Variants in SMS observed in about 807,000 individuals in gnomAD.
SMS encodes the protein spermidine aminopropyltransferase.
In SMS, 3 loss-of-function variants were observed where a neutral mutation model predicts 33.0. The ratio of observed to expected loss-of-function variants is 0.09; its 90% CI spans 0.04 to 0.23. SMS has a LOEUF of 0.23. Among genes scored for constraint, SMS ranks in the 10% least tolerant of loss-of-function variants. The pLI is 1.00. For synonymous variants in SMS, 103 were observed against 112.2 expected, an observed-to-expected ratio of 0.92 and a Z score of 0.52; for missense variants, 117 against 288.6, an observed-to-expected ratio of 0.41 and a Z score of 4.31.
At chrX:21,976,242 G>C (rs907919566) in intron 4 of SMS, among the ~76,000 whole-genome samples, 3 of 111,094 alleles carry the variant, frequency 2.7e-5, no homozygotes, top group Non-Finnish European at 3.8e-5. Flanking sequence ...AGGTTTGTTG[G>C]GGGGTGAGGA....
intron 1 of SMS, among the ~76,000 whole-genome samples, chrX:21,946,272 A>G (rs1481249854): frequency 9.0e-6 from 1 of 111,577 alleles, no homozygotes; most frequent in Non-Finnish European, 1.9e-5. Context: ...CGTTCCTTTT[A>G]GGGGGTGTAG....
chrX:21,971,283 T>G (rs1924140393), intron 2 of SMS, among the ~76,000 whole-genome samples: 1 of 93,497 alleles, frequency 1.1e-5, no homozygotes, highest in South Asian at 3.9e-4. Flanking sequence ...CAAATATGTT[T>G]ATTTCATTAA....
chrX:21,941,335 G>A, intron 1 of SMS: 1 of 246,708 alleles, frequency 4.1e-6, no homozygotes. Context: ...GAGCGGGGCT[G>A]CCCGCGCGAC....
intron 1 of SMS, among the ~76,000 whole-genome samples, chrX:21,962,830 A>AT (rs2147503614): frequency 9.1e-6 from 1 of 109,780 alleles, no homozygotes; most frequent in South Asian, 4.0e-4. Context: ...TAATTTTTGT[A>AT]TTTTTGGTAG....
At chrX:21,972,147 T>C (rs995920649) in intron 3 of SMS, among the ~76,000 whole-genome samples, 157 bp downstream of exon 3, 1 of 112,661 alleles carries the variant, frequency 8.9e-6, no homozygotes, top group Non-Finnish European at 1.9e-5. Flanking sequence ...GTTGTTTAGT[T>C]GTTTTTAGGA....
intron 1 of SMS, among the ~76,000 whole-genome samples, chrX:21,942,123 G>C (rs1435402592): frequency 9.1e-6 from 1 of 109,716 alleles, no homozygotes; most frequent in Non-Finnish European, 1.9e-5. Flanking sequence ...ACTTCCCATA[G>C]GTTCCACTTG....
At chrX:21,993,478 C>G (rs1341532201) in intron 10 of SMS, among the ~76,000 whole-genome samples, 1 of 112,729 alleles carries the variant, frequency 8.9e-6, no homozygotes, top group African/African-American at 3.2e-5. Flanking sequence ...TCTGCTGTTG[C>G]CAAGTCCAGG....
chrX:21,971,242 A>C (rs1924135979), intron 2 of SMS, among the ~76,000 whole-genome samples: 1 of 109,220 alleles, frequency 9.2e-6, no homozygotes, highest in African/African-American at 3.4e-5. Context: ...CAGAAGTTTC[A>C]TCAAATACAT....
intron 5 of SMS, 25 bp downstream of exon 5, chrX:21,977,261 TC>T (rs764328346): frequency 8.7e-7 from 1 of 1,145,976 alleles, no homozygotes; most frequent in Admixed American, 2.2e-5. Context: ...CCTGCCCCGA[TC>T]ACGTAACAAA....
intron 1 of SMS, among the ~76,000 whole-genome samples, chrX:21,957,915 GT>G (rs1198342669): frequency 1.8e-5 from 2 of 108,713 alleles, no homozygotes; most frequent in Non-Finnish European, 3.8e-5. Flanking sequence ...TTTGAGAATT[GT>G]CTGTTGCCCA....
chrX:21,971,474 C>T (rs1379718506), intron 2 of SMS, among the ~76,000 whole-genome samples: 2 of 111,783 alleles, frequency 1.8e-5, no homozygotes, highest in Non-Finnish European at 3.8e-5. Context: ...AATTTACCTA[C>T]CACCAGCCTG....
chrX:21,963,031 A>G (rs980970927), intron 1 of SMS, among the ~76,000 whole-genome samples: 1 of 112,082 alleles, frequency 8.9e-6, no homozygotes, highest in African/African-American at 3.2e-5. Context: ...GCAAAGATAC[A>G]GTAATAAAGG....
intron 1 of SMS, among the ~76,000 whole-genome samples, chrX:21,948,439 CTT>C (rs59082770): frequency 7.5e-5 from 6 of 80,184 alleles, no homozygotes; most frequent in African/African-American, 1.1e-4. Flanking sequence ...GTCAATGTGT[CTT>C]TTTTTTTTTT....
At chrX:21,956,802 C>T (rs1923004814) in intron 1 of SMS, among the ~76,000 whole-genome samples, 2 of 111,893 alleles carry the variant, frequency 1.8e-5, no homozygotes, top group Admixed American at 1.9e-4. Context: ...GCCATTTTGC[C>T]CAGGCTGGTC....
chrX:21,943,217 C>CT (rs760776998), intron 1 of SMS, among the ~76,000 whole-genome samples: 41 of 112,093 alleles, frequency 3.7e-4, no homozygotes, highest in Middle Eastern at 4.7e-3. Context: ...TGGCACTTCC[C>CT]TTTGTCCTTA....
chrX:21,966,305 G>GT (rs1281380896), intron 1 of SMS, among the ~76,000 whole-genome samples: 1 of 112,434 alleles, frequency 8.9e-6, no homozygotes, highest in Admixed American at 9.4e-5. Context: ...AAAGTAAAGA[G>GT]TAATTCCTCT....
At chrX:21,974,316 C>T (rs769864681) in intron 4 of SMS, among the ~76,000 whole-genome samples, 1 of 112,172 alleles carries the variant, frequency 8.9e-6, no homozygotes, top group South Asian at 3.7e-4. Context: ...AAAGAAGACG[C>T]CACAGTATAG....
rs1258589090 is a variant in SMS, at chrX:21,994,837, A to T, written c.*486A>T. The T allele has an allele frequency of 1.3e-6, 1 of 753,475 alleles. No homozygotes were observed. The highest frequency in any genetic ancestry group is 2.3e-5 in the African/African-American group (1 of 42,918). 62.1% of individuals were successfully genotyped at this position (753,475 alleles called of 1,213,427 possible). A position where few individuals can be genotyped will look rare whatever the true frequency, so the allele number is the denominator to read the frequency against. Reference sequence around the variant, plus strand: ...CTTCAATTAAAATTACAAAAGAGACATTTTGTGTGTTCTGTCGTTTTATTT... The same window carrying T: ...CTTCAATTAAAATTACAAAAGAGACTTTTTGTGTGTTCTGTCGTTTTATTT... On this transcript the variant is annotated 3_prime_UTR_variant, in exon 11 of 11. Coordinates refer to ENST00000404933, the MANE Select transcript of SMS (RefSeq NM_004595.5).
intron 1 of SMS, among the ~76,000 whole-genome samples, chrX:21,954,933 T>C (rs1336715870): frequency 9.1e-6 from 1 of 110,494 alleles, no homozygotes; most frequent in African/African-American, 3.3e-5. Flanking sequence ...GCCTTCTGGG[T>C]TCAAGGGATT....
Sources: allele counts gnomAD v4.1 joint callset (sites outside exome capture counted in the v4.1 genomes callset), GRCh38; gene constraint gnomAD v4.1.1; transcripts MANE v1.5; gene names NCBI Gene and HGNC (gene_info 2026-07-23, HGNC 2026-07-21).